The following SRGAP2C variants were observed in gnomAD, a reference collection of about 807,000 sequenced individuals.
SRGAP2C encodes the protein SLIT-ROBO Rho GTPase activating protein 2C.
SRGAP2C carries 15 observed loss-of-function variants against 25.1 expected under a neutral mutation model. That is an observed-to-expected ratio of 0.60 (90% CI 0.40 to 0.92). The LOEUF (loss-of-function observed/expected upper bound fraction) is 0.92, where lower values mean the gene tolerates loss of function less well. SRGAP2C is among the 40% of genes least tolerant of loss of function. The pLI, the probability that SRGAP2C is intolerant of heterozygous loss-of-function variation, is 0.00. For synonymous variants in SRGAP2C, 44 were observed against 96.6 expected (o/e 0.46, Z 3.19); for missense variants, 144 against 264.4 (o/e 0.54, Z 3.16).
intron 2 of SRGAP2C, among the ~76,000 whole-genome samples, chr1:121,217,582 T>C (rs1553324936): frequency 6.6e-6 from 1 of 151,794 alleles, no homozygotes; most frequent in Non-Finnish European, 1.5e-5. Context: ...AAATATCTTT[T>C]TTAAGACTAA....
chr1:121,322,831 G>A (rs1245526406), intron 3 of SRGAP2C, among the ~76,000 whole-genome samples: 3 of 152,044 alleles, frequency 2.0e-5, no homozygotes, highest in East Asian at 1.9e-4. Context: ...CAAGTGCCTG[G>A]CCTTTAGTGC....
chr1:121,249,580 A>ATTTTTT (rs1159053572), intron 2 of SRGAP2C, among the ~76,000 whole-genome samples: 1 of 22,372 alleles, frequency 4.5e-5, no homozygotes, highest in African/African-American at 2.1e-4. Context: ...ATATATATAT[A>ATTTTTT]TTTTTTTTTT....
chr1:121,283,829 G>C (rs1235934853), intron 2 of SRGAP2C, among the ~76,000 whole-genome samples: 1 of 151,794 alleles, frequency 6.6e-6, no homozygotes, highest in African/African-American at 2.4e-5. Flanking sequence ...CTTCCTGTGA[G>C]TGCCAGGTCT....
At chr1:121,335,145 T>A (rs1374973186) in intron 4 of SRGAP2C, among the ~76,000 whole-genome samples, 1 of 150,506 alleles carries the variant, frequency 6.6e-6, no homozygotes, top group Non-Finnish European at 1.5e-5. Flanking sequence ...ATACAAAAAT[T>A]AGCTGGGCAT....
intron 3 of SRGAP2C, among the ~76,000 whole-genome samples, chr1:121,298,692 C>T (rs1294806016): frequency 1.8e-3 from 4 of 2,188 alleles, no homozygotes; most frequent in African/African-American, 4.4e-3. Context: ...ACTGGAATGT[C>T]AGCAGGCCAT....
At chr1:121,237,601 T>A (rs1316870032) in intron 2 of SRGAP2C, among the ~76,000 whole-genome samples, 1 of 151,726 alleles carries the variant, frequency 6.6e-6, no homozygotes, top group Non-Finnish European at 1.5e-5. Flanking sequence ...AGCTTTTAGA[T>A]GCTAAGTAAG....
Position 121,348,667 on chromosome 1 carries a change from C to T in SRGAP2C, c.424-16626C>T, listed in dbSNP as rs374241716. Among the ~76,000 whole-genome samples, 45 of 150,514 alleles carry T rather than the reference C, an allele frequency of 3.0e-4. 1 individual carries two copies. The South Asian group carries it at 7.8e-3, about 26-fold the overall frequency. On this transcript the variant is annotated intron_variant, in intron 4 of 9. Coordinates refer to ENST00000367123, the MANE Select transcript of SRGAP2C (RefSeq NM_001329984.2). ...TTGCTCTGTAATTATTAGGTGCTTA[C>T]TATATGCAAGGCATTGTATAAGATT...
intron 3 of SRGAP2C, among the ~76,000 whole-genome samples, chr1:121,287,571 A>G (rs1278533886): frequency 3.9e-5 from 6 of 151,956 alleles, no homozygotes; most frequent in Non-Finnish European, 7.4e-5. Flanking sequence ...TTAGTACTAT[A>G]TCATATTCTC....
intron 2 of SRGAP2C, among the ~76,000 whole-genome samples, chr1:121,268,447 G>A (rs1656860060): frequency 6.6e-6 from 1 of 151,718 alleles, no homozygotes; most frequent in Admixed American, 6.6e-5. Context: ...GGAAGCCATT[G>A]AAAGATGATG....
At chr1:121,191,591 C>A (rs1255149016) in intron 2 of SRGAP2C, among the ~76,000 whole-genome samples, 1 of 149,096 alleles carries the variant, frequency 6.7e-6, no homozygotes, top group African/African-American at 2.5e-5. Context: ...AGCCTGTTAG[C>A]TTGTTGCTGG....
At position 121,292,953 on chromosome 1, in the gene SRGAP2C, T is replaced by A. The variant is rs1296682259; in HGVS notation, c.260+7958T>A. ...GAAAGGACAAGTGTAGGAAAGACCA[T>A]GGCCACCCATCCATACAGAGTGCCA... On this transcript the variant is annotated intron_variant, in intron 3 of 9. Coordinates refer to ENST00000367123, the MANE Select transcript of SRGAP2C (RefSeq NM_001329984.2). Among the ~76,000 whole-genome samples the A allele has an allele frequency of 8.9e-5, 7 of 78,460 alleles. 2 individuals carry two copies. Among genetic ancestry groups the A allele is most frequent in the Non-Finnish European group, 1.8e-4 (7 of 39,852 alleles). 51.5% of individuals were successfully genotyped at this position (78,460 alleles called of 152,430 possible). A position where few individuals can be genotyped will look rare whatever the true frequency, so the allele number is the denominator to read the frequency against.
At chr1:121,302,276 A>G (rs1657719344) in intron 3 of SRGAP2C, among the ~76,000 whole-genome samples, 2 of 151,890 alleles carry the variant, frequency 1.3e-5, no homozygotes, top group Non-Finnish European at 2.9e-5. Flanking sequence ...AGATGGGAGA[A>G]ATGATTTCAT....
intron 3 of SRGAP2C, among the ~76,000 whole-genome samples, chr1:121,286,116 C>T (rs1159823639): frequency 2.6e-4 from 40 of 152,196 alleles, no homozygotes; most frequent in African/African-American, 8.4e-4. Context: ...GCTTGGTCTA[C>T]AGTTTCTCTC....
At chr1:121,359,648 G>A (rs188111397) in intron 4 of SRGAP2C, among the ~76,000 whole-genome samples, 79 of 152,240 alleles carry the variant, frequency 5.2e-4, no homozygotes, top group Middle Eastern at 3.4e-3. Flanking sequence ...CACATCTGTC[G>A]TCCCAGCTAC....
intron 2 of SRGAP2C, among the ~76,000 whole-genome samples, chr1:121,260,487 G>A (rs1353996563): frequency 6.6e-6 from 1 of 151,758 alleles, no homozygotes; most frequent in Non-Finnish European, 1.5e-5. Flanking sequence ...GGGAGGAGAT[G>A]CCTGATTACA....
intron 2 of SRGAP2C, among the ~76,000 whole-genome samples, chr1:121,272,516 C>T (rs1656998938): frequency 6.6e-6 from 1 of 151,814 alleles, no homozygotes; most frequent in African/African-American, 2.4e-5. Context: ...CCCCCTCTTT[C>T]CCAACACATA....
intron 2 of SRGAP2C, among the ~76,000 whole-genome samples, chr1:121,249,573 TATATATA>T (rs1227653776): frequency 3.1e-4 from 6 of 19,108 alleles, no homozygotes; most frequent in East Asian, 1.0e-3. Context: ...TATATATATA[TATATATA>T]TTTTTTTTTT....
chr1:121,207,363 C>T (rs1407507741), intron 2 of SRGAP2C, among the ~76,000 whole-genome samples: 4 of 151,290 alleles, frequency 2.6e-5, no homozygotes, highest in Non-Finnish European at 4.4e-5. Flanking sequence ...TGGTTGGAGG[C>T]CCCTTATGAG....
In SRGAP2C at chr1:121,324,557, A is replaced by G; in HGVS notation, c.340A>G (p.Thr114Ala). 2 of 1,610,602 alleles carry G rather than the reference A, an allele frequency of 1.2e-6. No individual in the cohort carries two copies. Among genetic ancestry groups the G allele is most frequent in the Non-Finnish European group, 8.5e-7 (1 of 1,176,926 alleles). Residue 114 changes from threonine (T) to alanine (A), a missense_variant, in exon 4 of 10, where the codon ACC becomes GCC. Around this residue, in one of 5 missense-constraint regions of SRGAP2C, gnomAD observed 61 missense variants for 61.7 expected, o/e 0.99. Coordinates refer to ENST00000367123, the MANE Select transcript of SRGAP2C (RefSeq NM_001329984.2). Reference sequence around the variant, plus strand: ...GGTGAAGTGGGAAAGCAGGGACCATACCACCCTGAGTGACATCTACCTGAA... The same window carrying G: ...GGTGAAGTGGGAAAGCAGGGACCATGCCACCCTGAGTGACATCTACCTGAA... ...NQVKWESRDHTTLSDIYLNNI... is the reference protein window; with the variant it reads ...NQVKWESRDHATLSDIYLNNI...
Sources: allele counts gnomAD v4.1 joint callset (sites outside exome capture counted in the v4.1 genomes callset), GRCh38; gene constraint gnomAD v4.1.1; regional missense constraint gnomAD v4.1.1; transcripts MANE v1.5; gene names NCBI Gene and HGNC (gene_info 2026-07-23, HGNC 2026-07-21).